HPSE: variants seen among roughly 807,000 people sequenced by gnomAD.
HPSE encodes the protein heparanase, also known as endo-glucoronidase.
HPSE carries 48 observed loss-of-function variants against 65.1 expected under a neutral mutation model. That is an observed-to-expected ratio of 0.74 (90% confidence interval 0.58 to 0.94). The LOEUF (loss-of-function observed/expected upper bound fraction) is 0.94. HPSE is among the 40% of genes least tolerant of loss of function. The probability of loss-of-function intolerance (pLI) is 0.00; values close to 1 mark genes in which losing one functional copy is unlikely to be tolerated. For missense variants in HPSE, 644 were observed against 637.5 expected, an observed-to-expected ratio of 1.01 and a Z score of -0.11; for synonymous variants, 243 against 260.0, an observed-to-expected ratio of 0.93 and a Z score of 0.63.
chr4:83,295,462 T>C lies in HPSE; in HGVS notation c.1514A>G (p.Asp505Gly). ...TTCCATTAAAGGTGGCAAGGTTTGA[T>C]CATCCACCATCTTTAGAGTTAGACC... The part of the protein sequence containing the change: ...LNGLTLKMVD[D>G]QTLPPLMEKP... Residue 505 changes from aspartate (D) to glycine (G), a missense_variant, in exon 12 of 12, where the codon GAT becomes GGT. Coordinates refer to ENST00000311412, the MANE Select transcript of HPSE (RefSeq NM_001098540.3). 1 of 1,612,618 alleles carries C rather than the reference T, an allele frequency of 6.2e-7. No homozygotes were observed. Among genetic ancestry groups the C allele is most frequent in the Non-Finnish European group, 8.5e-7 (1 of 1,179,036 alleles).
Position 83,295,184 on chromosome 4 carries a change from G to T in HPSE, c.*160C>A. On this transcript the variant is annotated 3_prime_UTR_variant, in exon 12 of 12. Coordinates refer to ENST00000311412, the MANE Select transcript of HPSE (RefSeq NM_001098540.3). ...TTATTAGCAGTGTTCTACCTAGCGAGATCAAAATACTGTGCTAAATCTAGC... is the reference window on the plus strand; with the variant it reads ...TTATTAGCAGTGTTCTACCTAGCGATATCAAAATACTGTGCTAAATCTAGC... The T allele has an allele frequency of 2.0e-6, 1 of 489,120 alleles. No homozygotes were observed. Among genetic ancestry groups the T allele is most frequent in the Non-Finnish European group, 3.6e-6 (1 of 275,832 alleles). 30.3% of individuals were successfully genotyped at this position (489,120 alleles called of 1,614,324 possible).
chr4:83,309,639 A>G, intron 6 of HPSE, 144 bp from the exon 7 acceptor site: 1 of 634,916 alleles, frequency 1.6e-6, no homozygotes. Flanking sequence ...GGAAAGACCA[A>G]GATGGAAGGG....
chr4:83,312,951 G>A (rs1736466687), intron 4 of HPSE, among the ~76,000 whole-genome samples, 163 bp downstream of exon 4: 2 of 144,534 alleles, frequency 1.4e-5, no homozygotes, highest in South Asian at 4.4e-4. Flanking sequence ...GAATTTGGGA[G>A]GCAGAGCTTC....
chr4:83,322,813 GTGTGTGTGTGTGTGTGTGTGTGTGTT>G (rs891298538), intron 1 of HPSE, among the ~76,000 whole-genome samples: 4 of 147,242 alleles, frequency 2.7e-5, no homozygotes, highest in African/African-American at 9.9e-5. Context: ...GTGTGTGTGT[GTGTGTGTGTGTGTGTGTGTGTGTGTT>G]TGTGTGTGGA....
chr4:83,308,813 C>G, intron 8 of HPSE, 32 bp downstream of exon 8: 1 of 1,515,586 alleles, frequency 6.6e-7, no homozygotes, highest in Non-Finnish European at 9.2e-7. Context: ...GAGCTGCACT[C>G]TGACCCCTAA....
At position 83,322,210 on chromosome 4, in the gene HPSE, A is replaced by C. The variant is rs985559506; in HGVS notation, c.373+9T>G. The C allele has an allele frequency of 1.2e-6, 2 of 1,610,320 alleles. No individual in the cohort carries two copies. The highest frequency in any genetic ancestry group is 2.7e-5 in the African/African-American group (2 of 74,638). The stretch of plus-strand genomic sequence containing the variant: ...TTAAAATATAGAGTGAATCTTTAAA[A>C]ATTTTCACCCTGGTTGACTTGAGAT... On this transcript the variant is annotated intron_variant, in intron 2 of 11. Coordinates refer to ENST00000311412, the MANE Select transcript of HPSE (RefSeq NM_001098540.3).
intron 3 of HPSE, among the ~76,000 whole-genome samples, chr4:83,318,676 C>T (rs1736752041): frequency 6.8e-6 from 1 of 147,470 alleles, no homozygotes; most frequent in East Asian, 2.0e-4. Flanking sequence ...CGCCATTGCA[C>T]TCCAGGCTGG....
chr4:83,297,345 T>G (rs1483325208), intron 11 of HPSE, among the ~76,000 whole-genome samples: 3 of 152,054 alleles, frequency 2.0e-5, no homozygotes, highest in Non-Finnish European at 2.9e-5. Flanking sequence ...ATACCTTTTT[T>G]TTTTTTTTTA....
intron 2 of HPSE, among the ~76,000 whole-genome samples, chr4:83,321,690 C>T (rs77638608): frequency 0.013 from 2,009 of 152,184 alleles, 35 homozygotes; most frequent in African/African-American, 0.046. Context: ...TTTTCATGGC[C>T]CCCTAGGGCA....
intron 9 of HPSE, 112 bp downstream of exon 9, chr4:83,306,091 C>A: frequency 1.6e-6 from 1 of 617,750 alleles, no homozygotes; most frequent in Admixed American, 2.8e-5. Flanking sequence ...TTCATCATCT[C>A]ATGATTTGGC....
chr4:83,310,360 CT>C (rs11447474), intron 5 of HPSE, among the ~76,000 whole-genome samples: 11 of 148,104 alleles, frequency 7.4e-5, no homozygotes, highest in Admixed American at 1.3e-4. Context: ...CAGAGAGAAT[CT>C]TTTTTTTTTT....
At chr4:83,304,150 T>C (rs936187838) in intron 9 of HPSE, among the ~76,000 whole-genome samples, 9 of 152,142 alleles carry the variant, frequency 5.9e-5, no homozygotes, top group African/African-American at 1.9e-4. Context: ...ACAAGAGACA[T>C]GACAAAGGAA....
At chr4:83,320,960 G>A (rs547884602) in intron 2 of HPSE, among the ~76,000 whole-genome samples, 3 of 152,346 alleles carry the variant, frequency 2.0e-5, no homozygotes, top group Admixed American at 2.0e-4. Context: ...AATACTTTGG[G>A]ACGCCAAGGC....
At chr4:83,306,091 C>T in intron 9 of HPSE, 112 bp downstream of exon 9, 2 of 617,750 alleles carry the variant, frequency 3.2e-6, no homozygotes. Flanking sequence ...TTCATCATCT[C>T]ATGATTTGGC....
chr4:83,303,884 C>A (rs1736054570), intron 9 of HPSE, among the ~76,000 whole-genome samples: 1 of 152,100 alleles, frequency 6.6e-6, no homozygotes, highest in Admixed American at 6.6e-5. Flanking sequence ...TCAAAGTAAT[C>A]TAATAGGTAG....
chr4:83,304,636 C>T (rs1017193034), intron 9 of HPSE, among the ~76,000 whole-genome samples: 1 of 152,004 alleles, frequency 6.6e-6, no homozygotes, highest in African/African-American at 2.4e-5. Flanking sequence ...GACCAGCCTG[C>T]ACAATACAGT....
At chr4:83,301,155 A>C (rs762652086) in intron 10 of HPSE, 49 bp from the exon 11 acceptor site, 13 of 1,241,300 alleles carry the variant, frequency 1.0e-5, no homozygotes, top group Admixed American at 2.4e-5. Context: ...TAATTTAAGC[A>C]ATTAAAAACT....
intron 4 of HPSE, among the ~76,000 whole-genome samples, chr4:83,312,697 T>G (rs1175708241): frequency 6.4e-5 from 6 of 94,362 alleles, no homozygotes; most frequent in Admixed American, 1.1e-4. Context: ...AAAAAAAAAG[T>G]GTCATAAGAA....
intron 3 of HPSE, among the ~76,000 whole-genome samples, chr4:83,319,033 A>T (rs1263112593): frequency 1.3e-5 from 2 of 152,110 alleles, no homozygotes; most frequent in Admixed American, 6.5e-5. Context: ...CTGTATTTTA[A>T]TTTTACATGA....
Sources: allele counts gnomAD v4.1 joint callset (sites outside exome capture counted in the v4.1 genomes callset), GRCh38; gene constraint gnomAD v4.1.1; transcripts MANE v1.5; gene names NCBI Gene and HGNC (gene_info 2026-07-23, HGNC 2026-07-21).